NEDD8: variants seen among roughly 807,000 people sequenced by gnomAD.
The protein encoded by NEDD8 is ubiquitin-like protein NEDD8.
In NEDD8, 1 loss-of-function variant was observed where a neutral mutation model predicts 13.8. The ratio of observed to expected loss-of-function variants is 0.07; its 90% CI spans 0.03 to 0.34. The LOEUF (loss-of-function observed/expected upper bound fraction) is 0.34, where lower values mean the gene tolerates loss of function less well. NEDD8 is among the 10% of genes least tolerant of loss of function. NEDD8 has a pLI of 0.99. For missense variants in NEDD8, 10 were observed against 95.2 expected, an observed-to-expected ratio of 0.10 and a Z score of 3.73; for synonymous variants, 31 against 33.2, an observed-to-expected ratio of 0.93 and a Z score of 0.23.
At chr14:24,227,281 A>T (rs1291297421) in intron 1 of NEDD8, 1 of 152,246 alleles carries the variant, frequency 6.6e-6, no homozygotes, top group Non-Finnish European at 1.5e-5. Flanking sequence ...CACACAGTAA[A>T]GACAGTTGCC....
At chr14:24,220,278 G>A (rs1449124365) in intron 1 of NEDD8, among the ~76,000 whole-genome samples, 1 of 152,154 alleles carries the variant, frequency 6.6e-6, no homozygotes, top group Non-Finnish European at 1.5e-5. Flanking sequence ...ATATACTGAT[G>A]ATCATATTAT....
chr14:24,220,525 T>C (rs184963344), intron 1 of NEDD8, among the ~76,000 whole-genome samples: 3 of 152,270 alleles, frequency 2.0e-5, no homozygotes, highest in East Asian at 3.9e-4. Flanking sequence ...GAGTTCTGTG[T>C]TGCTCAGGCT....
chr14:24,231,446 T>A (rs1305630815), intron 1 of NEDD8, among the ~76,000 whole-genome samples: 2 of 131,300 alleles, frequency 1.5e-5, no homozygotes, highest in Non-Finnish European at 1.5e-5. Flanking sequence ...AAGGCCAAAC[T>A]AGCATTAGAC....
At chr14:24,231,972 T>G in intron 1 of NEDD8, 1 of 475,516 alleles carries the variant, frequency 2.1e-6, no homozygotes, top group Non-Finnish European at 3.7e-6. Flanking sequence ...TCGAATACAG[T>G]GAGACCCGAC....
At chr14:24,220,623 T>C (rs765331384) in intron 1 of NEDD8, among the ~76,000 whole-genome samples, 3 of 152,176 alleles carry the variant, frequency 2.0e-5, no homozygotes, top group South Asian at 4.1e-4. Flanking sequence ...TGCCCAGCCA[T>C]TGAACACTTT....
intron 1 of NEDD8, among the ~76,000 whole-genome samples, chr14:24,228,971 A>C (rs1315979141): frequency 6.6e-6 from 1 of 152,104 alleles, no homozygotes; most frequent in Non-Finnish European, 1.5e-5. Context: ...GCAGGAAAGA[A>C]GACTGGCAAT....
intron 1 of NEDD8, among the ~76,000 whole-genome samples, chr14:24,226,365 C>T (rs1374348461): frequency 6.8e-6 from 1 of 147,542 alleles, no homozygotes; most frequent in Non-Finnish European, 1.5e-5. Flanking sequence ...ATGGTGGACG[C>T]TTGAACGAAG....
chr14:24,220,778 T>C (rs1294027898), intron 1 of NEDD8, among the ~76,000 whole-genome samples: 1 of 152,196 alleles, frequency 6.6e-6, no homozygotes, highest in Non-Finnish European at 1.5e-5. Flanking sequence ...CAATCAAAAG[T>C]AGAGATTGGA....
At chr14:24,231,927 A>T in intron 1 of NEDD8, 1 of 338,420 alleles carries the variant, frequency 3.0e-6, no homozygotes, top group Non-Finnish European at 5.4e-6. Context: ...GGGGGAGTCA[A>T]GCCGCTGCTA....
chr14:24,218,113 C>T lies in NEDD8; in HGVS notation c.149+20G>A, dbSNP rs2039740519. Reference sequence around the variant, plus strand: ...TCTTCACATAAGATCGCCATGCTGTCATTCTCACTCCAAACTCACATCTGC... The same window carrying T: ...TCTTCACATAAGATCGCCATGCTGTTATTCTCACTCCAAACTCACATCTGC... On this transcript the variant is annotated intron_variant, in intron 3 of 3. Transcript: ENST00000250495. The T allele has an allele frequency of 6.2e-7, 1 of 1,613,806 alleles. No individual in the cohort carries two copies. Among genetic ancestry groups the T allele is most frequent in the African/African-American group, 1.3e-5 (1 of 74,896 alleles).
chr14:24,218,516 G>C (rs979717737), intron 1 of NEDD8, 85 bp from the exon 2 acceptor site: 3 of 1,587,516 alleles, frequency 1.9e-6, no homozygotes, highest in African/African-American at 2.7e-5. Flanking sequence ...TGGTCTTTGG[G>C]ATCTACTGCC....
intron 1 of NEDD8, among the ~76,000 whole-genome samples, chr14:24,220,696 T>G (rs576036182): frequency 1.3e-5 from 2 of 152,324 alleles, no homozygotes; most frequent in Non-Finnish European, 2.9e-5. Context: ...CCAGTATTTA[T>G]GAGATATGGA....
intron 1 of NEDD8, among the ~76,000 whole-genome samples, chr14:24,224,938 C>T (rs956156979): frequency 1.3e-5 from 2 of 152,064 alleles, no homozygotes; most frequent in Non-Finnish European, 2.9e-5. Context: ...GTGGGCGGGT[C>T]GCTTGAGGCC....
chr14:24,228,572 TG>T (rs1303752046), intron 1 of NEDD8: 1 of 151,370 alleles, frequency 6.6e-6, no homozygotes, highest in Non-Finnish European at 1.5e-5. Context: ...AACAATTGGC[TG>T]GGTATGGTGG....
chr14:24,226,608 A>C (rs1240701303), intron 1 of NEDD8: 1 of 152,184 alleles, frequency 6.6e-6, no homozygotes, highest in Non-Finnish European at 1.5e-5. Context: ...ATTATATAAC[A>C]CTAGATATAG....
rs546227312 is a variant in NEDD8, at chr14:24,219,473, C to T, written c.19-1042G>A. Among the ~76,000 whole-genome samples, 6 of 72,538 alleles carry T rather than the reference C, an allele frequency of 8.3e-5. No homozygotes were observed. In the East Asian group the frequency reaches 1.8e-3, roughly 21 times the overall value. The allele number at this position is 72,538 out of a possible 152,430, so 47.6% of individuals were successfully genotyped here. On this transcript the variant is annotated intron_variant, in intron 1 of 3. Transcript: ENST00000250495. ...TGTACTCCAGCCTGGGCAACACCCT[C>T]GCAAAAAAAAAAAAAAAAAAAAAAA...
rs1261030215 is a variant in NEDD8, at chr14:24,231,024, G to T, written c.18+1226C>A. 2.0e-5 allele frequency among the ~76,000 whole-genome samples: 3 copies of T among 152,020 alleles called. No homozygotes were observed. In the East Asian group the frequency reaches 5.8e-4, roughly 29 times the overall value. ...CCCATCTCGGCCTCCCGAATAGCTG[G>T]GCCTACAGGCATGCGCCCAGACCCT... is the stretch of plus-strand genomic sequence containing the variant. On this transcript the variant is annotated intron_variant, in intron 1 of 3. Transcript: ENST00000250495.
At chr14:24,227,901 C>G (rs2039920096) in intron 1 of NEDD8, 1 of 152,092 alleles carries the variant, frequency 6.6e-6, no homozygotes, top group Admixed American at 6.5e-5. Context: ...TCAAGACCAG[C>G]CTGGGCAACA....
At chr14:24,231,494 T>TGG (rs34585547) in intron 1 of NEDD8, among the ~76,000 whole-genome samples, 955 of 67,544 alleles carry the variant, frequency 0.014, 17 homozygotes, top group African/African-American at 0.034. Context: ...GAGGGGGGCG[T>TGG]GGGGGGGGGG....
Sources: allele counts gnomAD v4.1 joint callset (sites outside exome capture counted in the v4.1 genomes callset), GRCh38; gene constraint gnomAD v4.1.1; transcripts MANE v1.5; gene names NCBI Gene and HGNC (gene_info 2026-07-23, HGNC 2026-07-21).